STK17B: variants seen among roughly 807,000 people sequenced by gnomAD.
STK17B encodes serine/threonine kinase 17b.
A neutral mutation model predicts 42.0 loss-of-function variants in STK17B; 21 were observed. The ratio of observed to expected loss-of-function variants is 0.50; its 90% CI spans 0.35 to 0.72. The LOEUF is 0.72. STK17B is among the 30% of genes least tolerant of loss of function. The probability of loss-of-function intolerance (pLI) is 0.00; values close to 1 mark genes in which losing one functional copy is unlikely to be tolerated. For missense variants in STK17B, 349 were observed against 446.0 expected, an observed-to-expected ratio of 0.78 and a Z score of 1.96; for synonymous variants, 143 against 148.4, an observed-to-expected ratio of 0.96 and a Z score of 0.26.
intron 3 of STK17B, chr2:196,153,913 G>A (rs1214778833): frequency 6.6e-6 from 1 of 152,112 alleles, no homozygotes. Context: ...ATTAAAAAGT[G>A]GGAAAGGGAA....
chr2:196,137,000 C>T lies in STK17B; in HGVS notation c.*447G>A, dbSNP rs374067406. On this transcript the variant is annotated 3_prime_UTR_variant, in exon 8 of 8. Coordinates refer to ENST00000263955, the MANE Select transcript of STK17B (RefSeq NM_004226.4). Reference sequence around the variant, plus strand: ...AAAGTAGAAATTATTTTGGCTTAAACTTCATACTGCTTTCCTAAACAAATT... The same window carrying T: ...AAAGTAGAAATTATTTTGGCTTAAATTTCATACTGCTTTCCTAAACAAATT... 6 of 153,224 alleles carry T rather than the reference C, an allele frequency of 3.9e-5. No homozygotes were observed. The highest frequency in any genetic ancestry group is 1.2e-4 in the African/African-American group (5 of 41,618). 9.5% of individuals were successfully genotyped at this position (153,224 alleles called of 1,614,324 possible). A position where few individuals can be genotyped will look rare whatever the true frequency, so the allele number is the denominator to read the frequency against.
chr2:196,166,890 TAA>T (rs1699880637), intron 1 of STK17B, among the ~76,000 whole-genome samples: 1 of 152,222 alleles, frequency 6.6e-6, no homozygotes, highest in Admixed American at 6.5e-5. Flanking sequence ...TATACAATAA[TAA>T]AGACATTTAG....
At chr2:196,158,205 G>T (rs572052882) in intron 2 of STK17B, among the ~76,000 whole-genome samples, 1 of 152,054 alleles carries the variant, frequency 6.6e-6, no homozygotes, top group African/African-American at 2.4e-5. Context: ...TGGTGTTTAG[G>T]GGGTACGGGG....
At chr2:196,151,654 G>A (rs1699667847) in intron 3 of STK17B, 1 of 152,078 alleles carries the variant, frequency 6.6e-6, no homozygotes, top group Admixed American at 6.5e-5. Flanking sequence ...AATATGTATA[G>A]CTATATTTTA....
intron 2 of STK17B, among the ~76,000 whole-genome samples, chr2:196,160,925 T>A (rs1699803212): frequency 6.6e-6 from 1 of 152,180 alleles, no homozygotes; most frequent in Admixed American, 6.5e-5. Context: ...ATCCTCAAAG[T>A]TTAAATTATC....
chr2:196,159,678 A>C lies in STK17B; in HGVS notation c.123-3027T>G, dbSNP rs1231559597. 2.6e-5 allele frequency among the ~76,000 whole-genome samples: 4 copies of C among 152,302 alleles called. No homozygotes were observed. The East Asian group carries it at 7.7e-4, about 29-fold the overall frequency. ...GGGCAAAGGTGACCAAATGATGTGG[A>C]TAATGATTTATTTATTTGTCAACGT... is the stretch of plus-strand genomic sequence containing the variant. On this transcript the variant is annotated intron_variant, in intron 2 of 7. Transcript: ENST00000263955.
chr2:196,149,789 A>C (rs1372787284), intron 3 of STK17B, among the ~76,000 whole-genome samples: 4 of 152,190 alleles, frequency 2.6e-5, no homozygotes, highest in Non-Finnish European at 5.9e-5. Flanking sequence ...TTTACATGTG[A>C]TTTCCCTTTT....
intron 2 of STK17B, among the ~76,000 whole-genome samples, chr2:196,161,079 T>A (rs1699805855): frequency 6.6e-6 from 1 of 152,158 alleles, no homozygotes; most frequent in Admixed American, 6.5e-5. Context: ...ACTTTTATTG[T>A]GTGTACTGTT....
chr2:196,152,387 G>A (rs527923923), intron 3 of STK17B, among the ~76,000 whole-genome samples: 2 of 152,172 alleles, frequency 1.3e-5, no homozygotes, highest in South Asian at 4.1e-4. Context: ...GATTACAGGC[G>A]TGAGCCACCA....
At chr2:196,142,891 ATT>A (rs1159709966) in intron 5 of STK17B, among the ~76,000 whole-genome samples, 2 of 152,264 alleles carry the variant, frequency 1.3e-5, no homozygotes. Flanking sequence ...AAGAAAAAAG[ATT>A]ATAAGTTAAA....
chr2:196,140,577 C>CCTTTTTTTTTTTTTTTTTTTTTTTTTT (rs1334737441), intron 6 of STK17B, among the ~76,000 whole-genome samples: 1 of 101,478 alleles, frequency 9.9e-6, no homozygotes, highest in Non-Finnish European at 1.9e-5. Flanking sequence ...CTTCTTCTAG[C>CCTTTTTTTTTTTTTTTTTTTTTTTTTT]TTTTTTTTTT....
At chr2:196,164,200 C>T (rs527316549) in intron 1 of STK17B, among the ~76,000 whole-genome samples, 30 of 152,190 alleles carry the variant, frequency 2.0e-4, no homozygotes, top group African/African-American at 7.0e-4. Context: ...ATATTACTGA[C>T]GTGAAGGACT....
rs1699405594 is a variant in STK17B at position 196,136,338 on chromosome 2, G to C, written c.*1109C>G. Reference sequence around the variant, plus strand: ...TGGTCCCAGCAAAAGACCACAATGAGGGGCCACTCTGCAGATGGCTTTAAG... The same window carrying C: ...TGGTCCCAGCAAAAGACCACAATGACGGGCCACTCTGCAGATGGCTTTAAG... On this transcript the variant is annotated 3_prime_UTR_variant, in exon 8 of 8. Transcript: ENST00000263955. The C allele has an allele frequency of 6.6e-6, 1 of 152,404 alleles. No homozygotes were observed. Among genetic ancestry groups the C allele is most frequent in the Non-Finnish European group, 1.5e-5 (1 of 68,046 alleles). 9.4% of individuals were successfully genotyped at this position (152,404 alleles called of 1,614,324 possible).
intron 7 of STK17B, among the ~76,000 whole-genome samples, chr2:196,138,136 T>G (rs990614859): frequency 6.6e-6 from 1 of 152,224 alleles, no homozygotes; most frequent in Non-Finnish European, 1.5e-5. Context: ...TTATCTCTCA[T>G]GAAGATAAAA....
chr2:196,148,504 T>A (rs1207588616), intron 3 of STK17B, among the ~76,000 whole-genome samples: 1 of 152,204 alleles, frequency 6.6e-6, no homozygotes, highest in Non-Finnish European at 1.5e-5. Context: ...AAGAACACTT[T>A]AGATTCTCTT....
chr2:196,148,439 ATAT>A (rs1427391033), intron 3 of STK17B, among the ~76,000 whole-genome samples: 2 of 152,190 alleles, frequency 1.3e-5, no homozygotes, highest in Non-Finnish European at 2.9e-5. Flanking sequence ...ATTACAAATA[ATAT>A]TATATTAGGT....
chr2:196,149,971 G>C (rs10931725), intron 3 of STK17B, among the ~76,000 whole-genome samples: 7,048 of 151,950 alleles, frequency 0.046, 379 homozygotes, highest in African/African-American at 0.13. Context: ...GTATTTCGTA[G>C]GACTGCCATT....
In STK17B at chr2:196,164,061, TAAATA is replaced by T. The variant is rs1699846982; in HGVS notation, c.-44-639_-44-635del. 3.3e-5 allele frequency among the ~76,000 whole-genome samples: 5 copies of T among 151,672 alleles called. No individual in the cohort carries two copies. In the South Asian group the frequency reaches 1.0e-3, roughly 31 times the overall value. On this transcript the variant is annotated intron_variant, in intron 1 of 7. Transcript: ENST00000263955. ...CTCAATAAATAAATAAATAAATAAA[TAAATA>T]AATAAATAAAGTTATAGGTTTCACA... is the stretch of plus-strand genomic sequence containing the variant.
chr2:196,156,709 A>G, intron 2 of STK17B, 58 bp from the exon 3 acceptor site: 1 of 1,338,470 alleles, frequency 7.5e-7, no homozygotes, highest in South Asian at 1.4e-5. Context: ...ACGTTAGTAT[A>G]TTACAGATTC....
Sources: allele counts gnomAD v4.1 joint callset (sites outside exome capture counted in the v4.1 genomes callset), GRCh38; gene constraint gnomAD v4.1.1; transcripts MANE v1.5; gene names NCBI Gene and HGNC (gene_info 2026-07-23, HGNC 2026-07-21).